Variants in CLEC4A observed in about 807,000 individuals in gnomAD.
CLEC4A encodes C-type lectin domain family 4 member A.
In CLEC4A, 27 loss-of-function variants were observed where a neutral mutation model predicts 32.7. The observed-to-expected ratio is 0.83, with a 90% CI of 0.61 to 1.14. The LOEUF (loss-of-function observed/expected upper bound fraction) is 1.14, where lower values mean the gene tolerates loss of function less well. CLEC4A is among the 50% of genes most tolerant of loss of function. The probability of loss-of-function intolerance (pLI) is 0.00; values close to 1 mark genes in which losing one functional copy is unlikely to be tolerated. For missense variants in CLEC4A, 253 were observed against 274.6 expected, an observed-to-expected ratio of 0.92 and a Z score of 0.55; for synonymous variants, 89 against 93.7, an observed-to-expected ratio of 0.95 and a Z score of 0.29.
the CLEC4A span, among the ~76,000 whole-genome samples, chr12:8,118,123 G>A: frequency 1.3e-5 from 2 of 152,148 alleles, no homozygotes; most frequent in Admixed American, 6.5e-5. Context: ...ACTTTCTTGT[G>A]AGGCTCTGGT....
At chr12:8,134,424 T>C in intron 3 of CLEC4A, 1 of 1,613,978 alleles carries the variant, frequency 6.2e-7, no homozygotes, top group Non-Finnish European at 8.5e-7. Context: ...GAGTTCTTTC[T>C]GCAGAGCTTT....
chr12:8,121,846 A>C (rs764131494), upstream of CLEC4A: 2 of 153,174 alleles, frequency 1.3e-5, no homozygotes, highest in South Asian at 4.2e-4. Context: ...ATAGGGAGTC[A>C]GAGTCGCAAA....
chr12:8,103,718 G>A, the CLEC4A span, among the ~76,000 whole-genome samples: 1 of 152,108 alleles, frequency 6.6e-6, no homozygotes, highest in African/African-American at 2.4e-5. Context: ...CAAGTATTGA[G>A]TGCTTGCTAA....
At chr12:8,103,814 T>A in the CLEC4A span, among the ~76,000 whole-genome samples, 1 of 152,220 alleles carries the variant, frequency 6.6e-6, no homozygotes, top group African/African-American at 2.4e-5. Flanking sequence ...GCCCAAATAC[T>A]ACTTCATGAA....
In CLEC4A at chr12:8,138,460, GTGAGCATTTAT is replaced by G; in HGVS notation, c.*183_*193del. 1 of 776,030 alleles carries G rather than the reference GTGAGCATTTAT, an allele frequency of 1.3e-6. No homozygotes were observed. Among genetic ancestry groups the G allele is most frequent in the East Asian group, 2.8e-5 (1 of 36,028 alleles). The allele number at this position is 776,030 out of a possible 1,614,324, so 48.1% of individuals were successfully genotyped here. A position where few individuals can be genotyped will look rare whatever the true frequency, so the allele number is the denominator to read the frequency against. ...ATTGACTGATTCACTTTTTCATAAA[GTGAGCATTTAT>G]TGAGCATTTTTTCATGTGCCAGAGC... On this transcript the variant is annotated 3_prime_UTR_variant, in exon 6 of 6. Coordinates refer to ENST00000229332, the MANE Select transcript of CLEC4A (RefSeq NM_016184.4).
the CLEC4A span, among the ~76,000 whole-genome samples, chr12:8,117,264 G>A: frequency 1.3e-5 from 2 of 150,410 alleles, no homozygotes; most frequent in South Asian, 4.2e-4. Context: ...TTTTTGAAGT[G>A]GAATCTCTCT....
In CLEC4A at chr12:8,134,979, G is replaced by GTTTTTTTTTTTTTTTTTTT. The variant is rs1591611840; in HGVS notation, c.299-600_299-599insTTTTTTTTTTTTTTTTTTT. On this transcript the variant is annotated intron_variant, in intron 3 of 5. Transcript: ENST00000229332. Reference sequence around the variant, plus strand: ...TGTATCTTCTTGTTGAAGCGTTTTTGTTTTTTGTTTTTTTTTAATCATGGC... The same window carrying GTTTTTTTTTTTTTTTTTTT: ...TGTATCTTCTTGTTGAAGCGTTTTTGTTTTTTTTTTTTTTTTTTTTTTTTTGTTTTTTTTTAATCATGGC... 1.0e-4 allele frequency: 17 copies of GTTTTTTTTTTTTTTTTTTT among 166,014 alleles called. 1 individual carries two copies. Among genetic ancestry groups the GTTTTTTTTTTTTTTTTTTT allele is most frequent in the African/African-American group, 5.1e-4 (7 of 13,816 alleles). The allele number at this position is 166,014 out of a possible 1,614,324, so 10.3% of individuals were successfully genotyped here.
the CLEC4A span, among the ~76,000 whole-genome samples, chr12:8,115,876 C>T: frequency 6.6e-6 from 1 of 152,130 alleles, no homozygotes; most frequent in East Asian, 1.9e-4. Flanking sequence ...GCAGCCTCAA[C>T]CTCCTGGGCT....
the CLEC4A span, among the ~76,000 whole-genome samples, chr12:8,103,819 C>G: frequency 6.6e-6 from 1 of 152,196 alleles, no homozygotes; most frequent in Non-Finnish European, 1.5e-5. Context: ...AATACTACTT[C>G]ATGAAATGTT....
the CLEC4A span, among the ~76,000 whole-genome samples, chr12:8,112,747 C>T: frequency 6.6e-6 from 1 of 151,980 alleles, no homozygotes; most frequent in Non-Finnish European, 1.5e-5. Context: ...CAGATTGAGA[C>T]CTAATTTTAA....
At position 8,123,844 on chromosome 12, in the gene CLEC4A, G is replaced by C. The variant is rs1402103501; in HGVS notation, c.-35G>C. On this transcript the variant is annotated 5_prime_UTR_variant, in exon 1 of 6. Transcript: ENST00000229332. Reference sequence around the variant, plus strand: ...GATGTTTTAAGAAAGATCTGAAACAGATTTTCTGAAGAAAGCAGAAGCTCT... The same window carrying C: ...GATGTTTTAAGAAAGATCTGAAACACATTTTCTGAAGAAAGCAGAAGCTCT... 1 of 1,447,446 alleles carries C rather than the reference G, an allele frequency of 6.9e-7. No homozygotes were observed. Among genetic ancestry groups the C allele is most frequent in the African/African-American group, 1.4e-5 (1 of 71,494 alleles). The allele number at this position is 1,447,446 out of a possible 1,614,324, so 89.7% of individuals were successfully genotyped here.
At chr12:8,126,309 A>G (rs1947900974) in intron 2 of CLEC4A, among the ~76,000 whole-genome samples, 1 of 150,910 alleles carries the variant, frequency 6.6e-6, no homozygotes, top group Non-Finnish European at 1.5e-5. Context: ...GGTTCAAGCG[A>G]TTCTCCCACC....
At chr12:8,103,375 TG>T in the CLEC4A span, among the ~76,000 whole-genome samples, 99 of 100,148 alleles carry the variant, frequency 9.9e-4, 7 homozygotes, top group African/African-American at 1.9e-3. Context: ...TTCTTTCTGT[TG>T]TTTTTTTTTT....
intron 4 of CLEC4A, 149 bp from the exon 5 acceptor site, chr12:8,136,639 C>T: frequency 3.7e-6 from 2 of 544,578 alleles, no homozygotes; most frequent in Admixed American, 6.1e-5. Flanking sequence ...TGATTCTGCC[C>T]TGCTCAGCCA....
chr12:8,129,162 C>T (rs1368693693), intron 2 of CLEC4A, 102 bp from the exon 3 acceptor site: 3 of 680,252 alleles, frequency 4.4e-6, no homozygotes, highest in African/African-American at 3.6e-5. Context: ...AGTAATAGGG[C>T]ATTTGTAAGT....
the CLEC4A span, among the ~76,000 whole-genome samples, chr12:8,113,787 A>G: frequency 2.0e-4 from 30 of 152,324 alleles, no homozygotes; most frequent in South Asian, 1.7e-3. Context: ...ACAAGGGTGC[A>G]TTATTAAGTT....
chr12:8,120,502 G>A (rs1446592092), upstream of CLEC4A, among the ~76,000 whole-genome samples: 1 of 152,194 alleles, frequency 6.6e-6, no homozygotes, highest in Non-Finnish European at 1.5e-5. Flanking sequence ...ACTGCAACAT[G>A]ATGCAATATT....
rs1424397374 is a variant in CLEC4A at position 8,133,743 on chromosome 12, G to A, written c.299-1842G>A. The A allele has an allele frequency of 1.3e-5, 20 of 1,586,750 alleles. No individual in the cohort carries two copies. In the East Asian group the frequency reaches 4.5e-4, roughly 36 times the overall value. ...TTTCCCTAGCTCCTCCCCTCCCCCTGTCCCCCATTCCTAGAAGGGCAGGCA... is the reference window on the plus strand; with the variant it reads ...TTTCCCTAGCTCCTCCCCTCCCCCTATCCCCCATTCCTAGAAGGGCAGGCA... On this transcript the variant is annotated intron_variant, in intron 3 of 5. Transcript: ENST00000229332.
the CLEC4A span, among the ~76,000 whole-genome samples, chr12:8,109,772 T>C: frequency 6.6e-6 from 1 of 152,174 alleles, no homozygotes; most frequent in South Asian, 2.1e-4. Flanking sequence ...ATATGGTAAG[T>C]GCCGTTTAAA....
Sources: allele counts gnomAD v4.1 joint callset (sites outside exome capture counted in the v4.1 genomes callset), GRCh38; gene constraint gnomAD v4.1.1; transcripts MANE v1.5; gene names NCBI Gene and HGNC (gene_info 2026-07-23, HGNC 2026-07-21).